The following BCL7B variants were observed in gnomAD, a reference collection of about 807,000 sequenced individuals.
BCL7B encodes the protein BAF chromatin remodeling complex subunit BCL7B.
A neutral mutation model predicts 26.5 loss-of-function variants in BCL7B; 11 were observed. The observed-to-expected ratio is 0.42, with a 90% confidence interval of 0.26 to 0.69. The LOEUF is 0.69. BCL7B is among the 30% of genes least tolerant of loss of function. BCL7B has a pLI of 0.28. For synonymous variants in BCL7B, 111 were observed against 107.9 expected, an observed-to-expected ratio of 1.03 and a Z score of -0.18; for missense variants, 215 against 264.4, an observed-to-expected ratio of 0.81 and a Z score of 1.30.
intron 3 of BCL7B, among the ~76,000 whole-genome samples, chr7:73,541,251 T>C (rs1490941358): frequency 6.6e-6 from 1 of 152,150 alleles, no homozygotes; most frequent in Non-Finnish European, 1.5e-5. Flanking sequence ...TTCCCCCTCC[T>C]GCTCTGGTAT....
At chr7:73,545,806 A>C (rs528161341) in intron 2 of BCL7B, among the ~76,000 whole-genome samples, 75 of 152,278 alleles carry the variant, frequency 4.9e-4, no homozygotes, top group African/African-American at 1.8e-3. Context: ...CTGAACCCTG[A>C]GGCTAACCTC....
At chr7:73,541,061 C>T (rs887136535) in intron 3 of BCL7B, among the ~76,000 whole-genome samples, 1 of 151,964 alleles carries the variant, frequency 6.6e-6, no homozygotes, top group African/African-American at 2.4e-5. Flanking sequence ...GCAGGAAAAT[C>T]GCTTGAACCC....
At chr7:73,555,850 A>G (rs1792340322) in intron 1 of BCL7B, among the ~76,000 whole-genome samples, 1 of 152,100 alleles carries the variant, frequency 6.6e-6, no homozygotes, top group Non-Finnish European at 1.5e-5. Flanking sequence ...GGCTCCAGCG[A>G]TCCTCCCACC....
intron 1 of BCL7B, among the ~76,000 whole-genome samples, chr7:73,555,528 G>A (rs1792329868): frequency 6.6e-6 from 1 of 152,122 alleles, no homozygotes; most frequent in African/African-American, 2.4e-5. Context: ...AGCAACTTTT[G>A]AGCTGAGCTA....
intron 1 of BCL7B, among the ~76,000 whole-genome samples, chr7:73,556,835 G>C (rs1554584762): frequency 6.6e-6 from 1 of 152,196 alleles, no homozygotes; most frequent in Non-Finnish European, 1.5e-5. Context: ...AACGGACTGG[G>C]GAATGAACAA....
chr7:73,555,185 C>G (rs1425030922), intron 1 of BCL7B, among the ~76,000 whole-genome samples: 6 of 152,084 alleles, frequency 3.9e-5, no homozygotes, highest in Admixed American at 6.6e-5. Context: ...GTGGGAGGAC[C>G]ACTTGGAATT....
rs1791554164 is a variant in BCL7B, at chr7:73,536,959, C to G, written c.*339G>C. The G allele has an allele frequency of 8.2e-6, 2 of 243,230 alleles. No individual in the cohort carries two copies. Among genetic ancestry groups the G allele is most frequent in the Non-Finnish European group, 8.2e-6 (1 of 121,900 alleles). The allele number at this position is 243,230 out of a possible 1,614,324, so 15.1% of individuals were successfully genotyped here. A position where few individuals can be genotyped will look rare whatever the true frequency, so the allele number is the denominator to read the frequency against. On this transcript the variant is annotated 3_prime_UTR_variant, in exon 6 of 6. Coordinates refer to ENST00000223368, the MANE Select transcript of BCL7B (RefSeq NM_001707.4). Reference sequence around the variant, plus strand: ...TCTAGAAGGTGCCTTCCACATCTCTCTCTTCTCGCAGAAGCTGCCAGCAGC... The same window carrying G: ...TCTAGAAGGTGCCTTCCACATCTCTGTCTTCTCGCAGAAGCTGCCAGCAGC...
At chr7:73,545,907 C>A (rs1414849304) in intron 2 of BCL7B, among the ~76,000 whole-genome samples, 1 of 151,652 alleles carries the variant, frequency 6.6e-6, no homozygotes, top group Admixed American at 6.6e-5. Flanking sequence ...CGAGGTGGGC[C>A]GATCACGAGG....
At chr7:73,543,836 A>G (rs1303744226) in intron 2 of BCL7B, 192 bp from the exon 3 acceptor site, 3 of 538,552 alleles carry the variant, frequency 5.6e-6, no homozygotes, top group African/African-American at 3.8e-5. Flanking sequence ...GCCTCAGAAA[A>G]ATGAACCCTT....
At chr7:73,543,703 A>G in intron 2 of BCL7B, 59 bp from the exon 3 acceptor site, 2 of 1,327,216 alleles carry the variant, frequency 1.5e-6, no homozygotes, top group Non-Finnish European at 2.1e-6. Flanking sequence ...ACAGAGAGGG[A>G]GGAGGGTGCT....
intron 4 of BCL7B, among the ~76,000 whole-genome samples, chr7:73,539,426 A>G (rs1438741395): frequency 4.0e-5 from 6 of 151,334 alleles, no homozygotes; most frequent in Admixed American, 3.3e-4. Flanking sequence ...TAAATTTTTT[A>G]TGTTTTTAGT....
Position 73,537,982 on chromosome 7 carries a change from A to G in BCL7B, c.468T>C (p.Asp156=). 1.2e-6 allele frequency: 2 copies of G among 1,606,712 alleles called. No individual in the cohort carries two copies. Among genetic ancestry groups the G allele is most frequent in the African/African-American group, 1.3e-5 (1 of 74,594 alleles). Residue 156 remains aspartate (D), a synonymous_variant, in exon 5 of 6, where the codon GAT becomes GAC. Transcript: ENST00000223368. ...CTTCCTTGGTGAGGGTAGGAGGTTCATCAGCAACTTCCGAGGAGGGCAGGG... is the reference window on the plus strand; with the variant it reads ...CTTCCTTGGTGAGGGTAGGAGGTTCGTCAGCAACTTCCGAGGAGGGCAGGG... ...EPSLPSSEVA[D]EPPTLTKEEP...
At chr7:73,538,454 G>A (rs1791624216) in intron 4 of BCL7B, among the ~76,000 whole-genome samples, 1 of 152,162 alleles carries the variant, frequency 6.6e-6, no homozygotes, top group African/African-American at 2.4e-5. Context: ...GTAGTTGGCT[G>A]TTAACAGGTC....
intron 1 of BCL7B, among the ~76,000 whole-genome samples, chr7:73,554,036 C>T (rs1484465179): frequency 2.7e-5 from 4 of 150,642 alleles, no homozygotes; most frequent in African/African-American, 9.8e-5. Context: ...GGCGTGATCA[C>T]CACTCCTTGC....
At chr7:73,552,510 G>C (rs534868794) in intron 1 of BCL7B, among the ~76,000 whole-genome samples, 1 of 151,906 alleles carries the variant, frequency 6.6e-6, no homozygotes, top group Non-Finnish European at 1.5e-5. Flanking sequence ...CAGGCGCAGC[G>C]GCTCACGCCT....
intron 3 of BCL7B, among the ~76,000 whole-genome samples, chr7:73,541,799 G>A (rs1178643497): frequency 6.6e-6 from 1 of 152,146 alleles, no homozygotes; most frequent in Non-Finnish European, 1.5e-5. Context: ...GGCAGGAGCT[G>A]GCCTTATCGC....
chr7:73,553,310 G>C (rs374681234), intron 1 of BCL7B, among the ~76,000 whole-genome samples: 3 of 152,160 alleles, frequency 2.0e-5, no homozygotes, highest in African/African-American at 7.2e-5. Context: ...CTGCTGCTGG[G>C]GGGTATGGCC....
rs915331544 is a variant in BCL7B at position 73,542,036 on chromosome 7, A to G, written c.265+1512T>C. Among the ~76,000 whole-genome samples the G allele has an allele frequency of 1.4e-4, 21 of 152,284 alleles. No homozygotes were observed. In the East Asian group the frequency reaches 3.9e-3, roughly 28 times the overall value. ...GCGGAGCCCTACCTCCCTGGCTCGC[A>G]TAGGTGGAAATGCCCACCCTCTCTT... On this transcript the variant is annotated intron_variant, in intron 3 of 5. Coordinates refer to ENST00000223368, the MANE Select transcript of BCL7B (RefSeq NM_001707.4).
chr7:73,551,839 T>C (rs1359635942), intron 2 of BCL7B, among the ~76,000 whole-genome samples: 7 of 151,486 alleles, frequency 4.6e-5, no homozygotes, highest in African/African-American at 1.7e-4. Context: ...CTCACGCCTG[T>C]AATCCCAGCA....
Sources: gnomAD v4.1 joint callset for allele counts (sites outside exome capture counted in the v4.1 genomes callset) on GRCh38, gnomAD v4.1.1 for gene constraint, MANE v1.5 for transcripts, NCBI Gene and HGNC (gene_info 2026-07-23, HGNC 2026-07-21) for gene names.